Variants in ABHD8 observed in about 807,000 individuals in gnomAD.
The protein encoded by ABHD8 is protein ABHD8.
ABHD8 carries 10 observed loss-of-function variants against 29.3 expected under a neutral mutation model. The ratio of observed to expected loss-of-function variants is 0.34; its 90% CI spans 0.21 to 0.58. The LOEUF (loss-of-function observed/expected upper bound fraction) is 0.58. Ranked by LOEUF, ABHD8 falls within the 20% of genes least tolerant of loss-of-function variation. The pLI is 0.85. For synonymous variants in ABHD8, 282 were observed against 274.6 expected (o/e 1.03, Z -0.27); for missense variants, 556 against 615.3 (o/e 0.90, Z 1.02).
At chr19:17,297,551 C>A (rs2074098489) in intron 2 of ABHD8, among the ~76,000 whole-genome samples, 1 of 152,028 alleles carries the variant, frequency 6.6e-6, no homozygotes, top group African/African-American at 2.4e-5. Flanking sequence ...GCCTCGGCCT[C>A]CAAAAGTTCT....
rs2074074344 is a variant in ABHD8, at chr19:17,292,425, G to T, written c.*236C>A. 1 of 531,312 alleles carries T rather than the reference G, an allele frequency of 1.9e-6. No homozygotes were observed. 32.9% of individuals were successfully genotyped at this position (531,312 alleles called of 1,614,324 possible). ...AAGGTCATCTTCCGTGAGGGTCCCG[G>T]CTGCGGCCCCAAAACGCCGATGGGC... is the stretch of plus-strand genomic sequence containing the variant. On this transcript the variant is annotated 3_prime_UTR_variant, in exon 5 of 5. Transcript: ENST00000247706.
chr19:17,293,098 C>CTTTTT (rs71334701), intron 4 of ABHD8, among the ~76,000 whole-genome samples: 1 of 136,008 alleles, frequency 7.4e-6, no homozygotes, highest in African/African-American at 2.7e-5. Context: ...TCTTTTCTTT[C>CTTTTT]TTTTTTTTTT....
intron 2 of ABHD8, among the ~76,000 whole-genome samples, chr19:17,297,590 A>G (rs972872659): frequency 6.6e-6 from 1 of 152,088 alleles, no homozygotes; most frequent in Non-Finnish European, 1.5e-5. Context: ...CACTGTGCCC[A>G]GCAGGTGGGT....
rs2074131092 is a variant in ABHD8, at chr19:17,303,411, A to G, written c.-178T>C. ...CGCAGGGGCATCCCGCGGCCGCCGA[A>G]ACAGCCGGCCCTTTAAGTTCCTCCC... On this transcript the variant is annotated 5_prime_UTR_variant, in exon 1 of 5. Coordinates refer to ENST00000247706, the MANE Select transcript of ABHD8 (RefSeq NM_024527.5). 1 of 152,264 alleles carries G rather than the reference A, an allele frequency of 6.6e-6. No homozygotes were observed. 9.4% of individuals were successfully genotyped at this position (152,264 alleles called of 1,614,324 possible). A position where few individuals can be genotyped will look rare whatever the true frequency, so the allele number is the denominator to read the frequency against.
At chr19:17,294,075 T>C (rs778273992) in intron 4 of ABHD8, among the ~76,000 whole-genome samples, 8 of 152,152 alleles carry the variant, frequency 5.3e-5, no homozygotes, top group Non-Finnish European at 1.2e-4. Flanking sequence ...CCCTGCTTTC[T>C]AGATTCTACT....
intron 2 of ABHD8, among the ~76,000 whole-genome samples, 190 bp downstream of exon 2, chr19:17,300,666 C>T (rs560901460): frequency 1.3e-5 from 2 of 152,236 alleles, no homozygotes; most frequent in African/African-American, 2.4e-5. Context: ...TTGGTAGAGA[C>T]GGGGTTTCAC....
At chr19:17,302,832 G>C (rs1033373717) in intron 1 of ABHD8, 2 of 152,228 alleles carry the variant, frequency 1.3e-5, no homozygotes, top group African/African-American at 4.8e-5. Context: ...ATAACCTAAG[G>C]GGGGGATACC....
chr19:17,299,036 C>G (rs1311448958), intron 2 of ABHD8, among the ~76,000 whole-genome samples: 1 of 152,156 alleles, frequency 6.6e-6, no homozygotes, highest in Non-Finnish European at 1.5e-5. Context: ...GCCACTGCAC[C>G]TGGCCTGAGC....
chr19:17,301,714 GT>G, intron 1 of ABHD8, 90 bp from the exon 2 acceptor site: 1 of 1,390,126 alleles, frequency 7.2e-7, no homozygotes, highest in African/African-American at 1.5e-5. Context: ...TGGGAGAACT[GT>G]TTTAGACTCC....
At position 17,293,198 on chromosome 19, in the gene ABHD8, C is replaced by A. The variant is rs560866899; in HGVS notation, c.1150-367G>T. Among the ~76,000 whole-genome samples, 9 of 151,006 alleles carry A rather than the reference C, an allele frequency of 6.0e-5. No homozygotes were observed. The South Asian group carries it at 1.9e-3, about 32-fold the overall frequency. On this transcript the variant is annotated intron_variant, in intron 4 of 4. Transcript: ENST00000247706. ...CCAACCTCTGCCTCCCGGCTTCAAG[C>A]GATTCTCTTGCCTCAGCCTCCCAAG...
intron 2 of ABHD8, among the ~76,000 whole-genome samples, chr19:17,295,254 C>T (rs948950707): frequency 2.2e-4 from 33 of 151,932 alleles, no homozygotes; most frequent in African/African-American, 7.7e-4. Flanking sequence ...TACAGGCGCC[C>T]GCCACCGCGC....
chr19:17,294,361 GT>G lies in ABHD8; in HGVS notation c.1075del (p.Thr359ProfsTer32). On this transcript the variant is annotated frameshift_variant, in exon 4 of 5. Transcript: ENST00000247706. LOFTEE classifies it high-confidence loss of function. ...GCCGTGGACAAGCAGGACGGGCACG[GT>G]GAGCTCGGCGTGGTAGACCTCGTCG... ...EGDEVYHAELTVPVLLVHGMH... is the reference protein window; with the variant it reads ...EGDEVYHAELXVPVLLVHGMH... 6.2e-7 allele frequency: 1 copy of G among 1,613,724 alleles called. No homozygotes were observed. Among genetic ancestry groups the G allele is most frequent in the Non-Finnish European group, 8.5e-7 (1 of 1,179,996 alleles).
In ABHD8 at chr19:17,294,274, G is replaced by C; in HGVS notation, c.1149+14C>G. The C allele has an allele frequency of 6.3e-7, 1 of 1,593,528 alleles. No individual in the cohort carries two copies. The highest frequency in any genetic ancestry group is 8.5e-7 in the Non-Finnish European group (1 of 1,175,068). The stretch of plus-strand genomic sequence containing the variant: ...GGGATTTGTAGCTGTGGCGCCCCAG[G>C]TGCCCGCCTCTACCTCGGCCATGCG... On this transcript the variant is annotated intron_variant, in intron 4 of 4. Coordinates refer to ENST00000247706, the MANE Select transcript of ABHD8 (RefSeq NM_024527.5).
rs192832739 is a variant in ABHD8, at chr19:17,299,358, G to A, written c.761+1498C>T. Among the ~76,000 whole-genome samples, 428 of 151,618 alleles carry A rather than the reference G, an allele frequency of 2.8e-3. 1 individual carries two copies. Among genetic ancestry groups the A allele is most frequent in the Middle Eastern group, 6.8e-3 (2 of 292 alleles). On this transcript the variant is annotated intron_variant, in intron 2 of 4. Coordinates refer to ENST00000247706, the MANE Select transcript of ABHD8 (RefSeq NM_024527.5). ...GGGCGAATCACGAGGTCAGGAGATC[G>A]AGACCATCCTGGCTAACACGGTGAA...
At chr19:17,300,777 CA>C in intron 2 of ABHD8, 78 bp downstream of exon 2, 1 of 1,498,102 alleles carries the variant, frequency 6.7e-7, no homozygotes, top group Non-Finnish European at 9.0e-7. Flanking sequence ...GGGGCTCAGC[CA>C]AAAACTCAGT....
intron 1 of ABHD8, 66 bp from the exon 2 acceptor site, chr19:17,301,690 C>T: frequency 1.4e-6 from 2 of 1,448,706 alleles, no homozygotes; most frequent in Non-Finnish European, 1.8e-6. Flanking sequence ...GTGCAGCAGG[C>T]ACTCCCTGAG....
Position 17,301,277 on chromosome 19 carries a change from G to T in ABHD8, c.340C>A (p.Pro114Thr). 2 of 1,604,384 alleles carry T rather than the reference G, an allele frequency of 1.2e-6. No individual in the cohort carries two copies. Among genetic ancestry groups the T allele is most frequent in the Non-Finnish European group, 1.7e-6 (2 of 1,178,742 alleles). ...GCCAGCTCCACCTCCAGGGCGGCCG[G>T]CGGCTCCCCAGAGCCATTCTGCCCG... The part of the protein sequence containing the change: ...LHGQNGSGEP[P>T]AALEVELADP... Residue 114 changes from proline (P) to threonine (T), a missense_variant, in exon 2 of 5, where the codon CCG (proline) becomes ACG (threonine). Around this residue, in one of 2 missense-constraint regions of ABHD8, gnomAD observed 286 missense variants for 261.4 expected, o/e 1.09. Coordinates refer to ENST00000247706, the MANE Select transcript of ABHD8 (RefSeq NM_024527.5).
intron 4 of ABHD8, 36 bp downstream of exon 4, chr19:17,294,252 A>T (rs1249370764): frequency 6.3e-7 from 1 of 1,584,452 alleles, no homozygotes; most frequent in African/African-American, 1.3e-5. Flanking sequence ...CACCCTGGGG[A>T]TTTGTAGCTG....
At chr19:17,297,699 G>T (rs1599523744) in intron 2 of ABHD8, 1 of 150,842 alleles carries the variant, frequency 6.6e-6, no homozygotes, top group East Asian at 1.9e-4. Context: ...TCTCAGTCTA[G>T]ATTCCTTTCT....
Sources: allele counts gnomAD v4.1 joint callset (sites outside exome capture counted in the v4.1 genomes callset), GRCh38; gene constraint gnomAD v4.1.1; regional missense constraint gnomAD v4.1.1; transcripts MANE v1.5; gene names NCBI Gene and HGNC (gene_info 2026-07-23, HGNC 2026-07-21).